CCDC6: variants seen among roughly 807,000 people sequenced by gnomAD.
The protein encoded by CCDC6 is coiled-coil domain containing 6.
CCDC6 carries 20 observed loss-of-function variants against 56.6 expected under a neutral mutation model. That is an observed-to-expected ratio of 0.35 (90% confidence interval 0.25 to 0.51). The LOEUF is 0.51. Ranked by LOEUF, CCDC6 falls within the 20% of genes least tolerant of loss-of-function variation. CCDC6 has a pLI of 0.95. For missense variants in CCDC6, 367 were observed against 601.1 expected (o/e 0.61, Z 4.07); for synonymous variants, 241 against 234.4 (o/e 1.03, Z -0.26).
At chr10:59,807,649 AT>A (rs2070637780) in intron 5 of CCDC6, among the ~76,000 whole-genome samples, 1 of 152,222 alleles carries the variant, frequency 6.6e-6, no homozygotes, top group Non-Finnish European at 1.5e-5. Flanking sequence ...ACTCCCACTC[AT>A]TTGCATTCTA....
chr10:59,897,322 C>T (rs1157197852), intron 1 of CCDC6, among the ~76,000 whole-genome samples: 2 of 151,578 alleles, frequency 1.3e-5, no homozygotes, highest in South Asian at 2.1e-4. Flanking sequence ...GGTGCAATCT[C>T]GGCTCACCGC....
intron 2 of CCDC6, among the ~76,000 whole-genome samples, chr10:59,833,638 A>C (rs539531355): frequency 0.024 from 354 of 14,540 alleles, 2 homozygotes; most frequent in Middle Eastern, 0.083. Flanking sequence ...AACACTCTCA[A>C]CTGGGGGGGG....
At chr10:59,810,643 ATAG>A (rs2070664871) in intron 5 of CCDC6, among the ~76,000 whole-genome samples, 1 of 152,194 alleles carries the variant, frequency 6.6e-6, no homozygotes, top group Non-Finnish European at 1.5e-5. Flanking sequence ...CCAAACACAC[ATAG>A]TAATTAACAA....
At chr10:59,842,662 C>T (rs1440808135) in intron 2 of CCDC6, among the ~76,000 whole-genome samples, 1 of 151,668 alleles carries the variant, frequency 6.6e-6, no homozygotes, top group Non-Finnish European at 1.5e-5. Flanking sequence ...CTTTTCTGAA[C>T]TACACTTAAG....
chr10:59,826,958 C>T (rs1237824531), intron 3 of CCDC6, among the ~76,000 whole-genome samples: 1 of 152,214 alleles, frequency 6.6e-6, no homozygotes, highest in Non-Finnish European at 1.5e-5. Context: ...AACCTTGTCT[C>T]GGCCCTCCTT....
intron 1 of CCDC6, among the ~76,000 whole-genome samples, chr10:59,892,475 G>C (rs2071429589): frequency 6.6e-6 from 1 of 152,124 alleles, no homozygotes; most frequent in Non-Finnish European, 1.5e-5. Context: ...AGGTTGCGAG[G>C]CTCCCCAACC....
At chr10:59,797,719 T>TAACAGCA (rs1354657791) in intron 7 of CCDC6, among the ~76,000 whole-genome samples, 1 of 138,722 alleles carries the variant, frequency 7.2e-6, no homozygotes, top group Non-Finnish European at 1.5e-5. Flanking sequence ...GTCTCAGCCA[T>TAACAGCA]AACAGCAAAC....
intron 3 of CCDC6, among the ~76,000 whole-genome samples, chr10:59,825,277 A>G (rs1425033677): frequency 2.6e-5 from 4 of 152,218 alleles, no homozygotes; most frequent in Non-Finnish European, 2.9e-5. Context: ...GTGGTAGTGA[A>G]TAAGTCTCAC....
chr10:59,854,841 C>G (rs2132657880), intron 1 of CCDC6, among the ~76,000 whole-genome samples: 1 of 152,294 alleles, frequency 6.6e-6, no homozygotes, highest in South Asian at 2.1e-4. Flanking sequence ...CCGACAAAGT[C>G]CTATATGATT....
At chr10:59,814,599 A>AACACACACACACACACACACACAC in intron 4 of CCDC6, 53 bp downstream of exon 4, 2 of 927,202 alleles carry the variant, frequency 2.2e-6, no homozygotes, top group East Asian at 2.5e-5. Context: ...CCAGAGCAGC[A>AACACACACACACACACACACACAC]ACACACACAC....
At position 59,788,998 on chromosome 10, in the gene CCDC6, G is replaced by C. The variant is rs913022207; in HGVS notation, c.*3919C>G. 4.5e-6 allele frequency: 1 copy of C among 219,934 alleles called. No homozygotes were observed. Among genetic ancestry groups the C allele is most frequent in the Non-Finnish European group, 9.1e-6 (1 of 109,740 alleles). 13.6% of individuals were successfully genotyped at this position (219,934 alleles called of 1,614,324 possible). A position where few individuals can be genotyped will look rare whatever the true frequency, so the allele number is the denominator to read the frequency against. Reference sequence around the variant, plus strand: ...ATGCAGAGGCAAAAGGCATGCTAGCGCTTGGCTCTCCTCTTTTCCTTGTTG... The same window carrying C: ...ATGCAGAGGCAAAAGGCATGCTAGCCCTTGGCTCTCCTCTTTTCCTTGTTG... On this transcript the variant is annotated 3_prime_UTR_variant, in exon 9 of 9. Transcript: ENST00000263102.
chr10:59,794,334 T>A, intron 8 of CCDC6, 139 bp downstream of exon 8: 1 of 788,474 alleles, frequency 1.3e-6, no homozygotes, highest in South Asian at 1.9e-5. Flanking sequence ...ACTGTTTAAG[T>A]CTCTACAGTT....
At chr10:59,848,858 C>G (rs1361038298) in intron 2 of CCDC6, among the ~76,000 whole-genome samples, 1 of 152,096 alleles carries the variant, frequency 6.6e-6, no homozygotes, top group Admixed American at 6.6e-5. Context: ...AGATTACAGG[C>G]GTGTGCCACC....
chr10:59,793,919 T>C (rs530301856), intron 8 of CCDC6, among the ~76,000 whole-genome samples: 1 of 152,348 alleles, frequency 6.6e-6, no homozygotes, highest in East Asian at 1.9e-4. Flanking sequence ...ATTTCTGTTA[T>C]TGGAAATACC....
chr10:59,796,520 T>C (rs1156883870), intron 7 of CCDC6, among the ~76,000 whole-genome samples: 4 of 152,144 alleles, frequency 2.6e-5, no homozygotes, highest in Admixed American at 1.3e-4. Flanking sequence ...GCATCCACTA[T>C]GGAAATCAGT....
chr10:59,820,658 G>A (rs992915283), intron 3 of CCDC6, among the ~76,000 whole-genome samples: 10 of 152,074 alleles, frequency 6.6e-5, no homozygotes, highest in African/African-American at 2.2e-4. Flanking sequence ...TAAGGCAGGC[G>A]GATCTCTTGA....
At position 59,882,024 on chromosome 10, in the gene CCDC6, C is replaced by CAGGGGGAGAAGGAAAGGAAAGCCG. The variant is rs1491423168; in HGVS notation, c.303+24097_303+24098insCGGCTTTCCTTTCCTTCTCCCCCT. 3.9e-3 allele frequency among the ~76,000 whole-genome samples: 189 copies of CAGGGGGAGAAGGAAAGGAAAGCCG among 48,282 alleles called. 58 individuals are homozygous for CAGGGGGAGAAGGAAAGGAAAGCCG. Among genetic ancestry groups the CAGGGGGAGAAGGAAAGGAAAGCCG allele is most frequent in the Middle Eastern group, 0.034 (2 of 58 alleles). The allele number at this position is 48,282 out of a possible 152,430, so 31.7% of individuals were successfully genotyped here. A position where few individuals can be genotyped will look rare whatever the true frequency, so the allele number is the denominator to read the frequency against. On this transcript the variant is annotated intron_variant, in intron 1 of 8. Transcript: ENST00000263102. ...AAGCTGGGGAGAAGGAAAGGAAAGC[C>CAGGGGGAGAAGGAAAGGAAAGCCG]GCGGGGAGAAGGAAAGGAAAGCCAG...
chr10:59,882,917 G>A (rs1408653926), intron 1 of CCDC6, among the ~76,000 whole-genome samples: 4 of 151,706 alleles, frequency 2.6e-5, no homozygotes, highest in African/African-American at 9.7e-5. Context: ...CAGAGATCGC[G>A]CCACTGCACT....
chr10:59,851,872 C>A lies in CCDC6; in HGVS notation c.453+681G>T, dbSNP rs1349250308. On this transcript the variant is annotated intron_variant, in intron 2 of 8. Transcript: ENST00000263102. ...TTTTAAGTTCATACTAACCCACAAACTATTGCCCCTAAGCAAATTTTACCT... is the reference window on the plus strand; with the variant it reads ...TTTTAAGTTCATACTAACCCACAAAATATTGCCCCTAAGCAAATTTTACCT... Among the ~76,000 whole-genome samples, 6 of 151,518 alleles carry A rather than the reference C, an allele frequency of 4.0e-5. No homozygotes were observed. The East Asian group carries it at 1.2e-3, about 29-fold the overall frequency.
Sources: gnomAD v4.1 joint callset for allele counts (sites outside exome capture counted in the v4.1 genomes callset) on GRCh38, gnomAD v4.1.1 for gene constraint, MANE v1.5 for transcripts, NCBI Gene and HGNC (gene_info 2026-07-23, HGNC 2026-07-21) for gene names.